The following UBE2D2 variants were observed in gnomAD, a reference collection of about 807,000 sequenced individuals.
UBE2D2 encodes the protein ubiquitin-conjugating enzyme E2 D2.
In UBE2D2, 2 loss-of-function variants were observed where a neutral mutation model predicts 24.2. The observed-to-expected ratio is 0.08, with a 90% CI of 0.03 to 0.26. The LOEUF is 0.26. Among genes scored for constraint, UBE2D2 ranks in the 10% least tolerant of loss-of-function variants. The probability of loss-of-function intolerance (pLI) is 1.00; values close to 1 mark genes in which losing one functional copy is unlikely to be tolerated. For missense variants in UBE2D2, 44 were observed against 177.6 expected (o/e 0.25, Z 4.28); for synonymous variants, 58 against 56.5 (o/e 1.03, Z -0.12).
intron 2 of UBE2D2, among the ~76,000 whole-genome samples, chr5:139,607,567 A>G (rs1330371804): frequency 6.6e-6 from 1 of 152,160 alleles, no homozygotes; most frequent in East Asian, 1.9e-4. Flanking sequence ...TTAGAATGTG[A>G]ATAGGTTTTT....
intron 1 of UBE2D2, among the ~76,000 whole-genome samples, chr5:139,593,367 A>G (rs972912909): frequency 1.3e-5 from 2 of 152,108 alleles, no homozygotes; most frequent in African/African-American, 2.4e-5. Context: ...GTACAGCAGA[A>G]CACTCAAGTC....
chr5:139,615,484 C>CAA (rs1011160901), intron 5 of UBE2D2, among the ~76,000 whole-genome samples: 1 of 131,696 alleles, frequency 7.6e-6, no homozygotes, highest in Non-Finnish European at 1.6e-5. Context: ...GACTCTGTCT[C>CAA]AAAAAAAAAA....
At position 139,543,051 on chromosome 5, in the gene UBE2D2, C is replaced by T. The variant is rs574784696; in HGVS notation, c.-64+16439C>T. On this transcript the variant is annotated intron_variant, in intron 1 of 6. Coordinates refer to the UBE2D2 transcript ENST00000511725. ...AGCTGGGACTACAGGCGCGCGCCAC[C>T]ATGCCTGGCTAATTTTTGTATTTTT... is the stretch of plus-strand genomic sequence containing the variant. Among the ~76,000 whole-genome samples the T allele has an allele frequency of 4.6e-5, 7 of 152,256 alleles. No homozygotes were observed. In the South Asian group the frequency reaches 6.2e-4, roughly 14 times the overall value.
intron 1 of UBE2D2, among the ~76,000 whole-genome samples, chr5:139,570,137 T>G (rs1337813537): frequency 6.6e-6 from 1 of 152,066 alleles, no homozygotes; most frequent in Non-Finnish European, 1.5e-5. Flanking sequence ...CATGGTGATG[T>G]GTGCCTGTAG....
At position 139,552,785 on chromosome 5, in the gene UBE2D2, C is replaced by T. The variant is rs1001499994; in HGVS notation, c.-64+26173C>T. 1.9e-4 allele frequency among the ~76,000 whole-genome samples: 29 copies of T among 150,620 alleles called. 1 individual carries two copies. Among genetic ancestry groups the T allele is most frequent in the South Asian group, 8.4e-4 (4 of 4,778 alleles). ...GCAACCTCCACCTCCCAAGTTCAAGCGATTCTCCTTCCTCAGCCTCCCAAG... is the reference window on the plus strand; with the variant it reads ...GCAACCTCCACCTCCCAAGTTCAAGTGATTCTCCTTCCTCAGCCTCCCAAG... On this transcript the variant is annotated intron_variant, in intron 1 of 6. Transcript: ENST00000511725.
chr5:139,579,150 T>C (rs940760840), intron 1 of UBE2D2, among the ~76,000 whole-genome samples: 3 of 151,922 alleles, frequency 2.0e-5, no homozygotes, highest in African/African-American at 7.3e-5. Flanking sequence ...GTATTTTAAT[T>C]TTTTAAATTT....
intron 1 of UBE2D2, among the ~76,000 whole-genome samples, chr5:139,581,773 A>G (rs953226407): frequency 1.3e-5 from 2 of 151,874 alleles, no homozygotes; most frequent in African/African-American, 2.4e-5. Flanking sequence ...AGTTCAAGCT[A>G]TTCTCCTGCC....
At chr5:139,625,770 A>C (rs967148610) in intron 6 of UBE2D2, among the ~76,000 whole-genome samples, 3 of 151,106 alleles carry the variant, frequency 2.0e-5, no homozygotes, top group African/African-American at 4.9e-5. Context: ...ATGCCTGGCT[A>C]ATTTTTGTGT....
chr5:139,538,814 G>A (rs1042633473), intron 1 of UBE2D2, among the ~76,000 whole-genome samples: 8 of 151,476 alleles, frequency 5.3e-5, no homozygotes, highest in African/African-American at 1.2e-4. Context: ...CGGAGGTTGC[G>A]GTGAGCGATC....
intron 1 of UBE2D2, among the ~76,000 whole-genome samples, chr5:139,580,045 C>CA (rs199662706): frequency 1.7e-3 from 203 of 116,864 alleles, no homozygotes; most frequent in African/African-American, 1.7e-3. Context: ...GACTCCCTCT[C>CA]AAAAAAAAAA....
chr5:139,604,350 C>A (rs1318678191), intron 2 of UBE2D2, among the ~76,000 whole-genome samples: 1 of 151,976 alleles, frequency 6.6e-6, no homozygotes, highest in Non-Finnish European at 1.5e-5. Flanking sequence ...GTTGGCCAGG[C>A]TGGTCTTGAA....
At chr5:139,581,225 G>T (rs1370818786) in intron 1 of UBE2D2, among the ~76,000 whole-genome samples, 1 of 152,092 alleles carries the variant, frequency 6.6e-6, no homozygotes, top group African/African-American at 2.4e-5. Flanking sequence ...GAGGCGGGTG[G>T]ATCATGAGGT....
intron 1 of UBE2D2, among the ~76,000 whole-genome samples, chr5:139,551,293 G>A (rs995358816): frequency 1.3e-5 from 2 of 152,124 alleles, no homozygotes; most frequent in East Asian, 3.9e-4. Flanking sequence ...AGGTTGCAGT[G>A]AGCTAAGATC....
chr5:139,565,035 C>G (rs1753189125), intron 1 of UBE2D2, among the ~76,000 whole-genome samples: 1 of 152,068 alleles, frequency 6.6e-6, no homozygotes, highest in Non-Finnish European at 1.5e-5. Context: ...GCAGTGGAAT[C>G]CCCATTGCTT....
intron 1 of UBE2D2, 145 bp downstream of exon 1, chr5:139,561,960 C>T (rs1488495722): frequency 8.6e-7 from 1 of 1,163,186 alleles, no homozygotes; most frequent in Admixed American, 3.3e-5. Context: ...TACCCCACTC[C>T]CAGTGATGGC....
At chr5:139,548,193 A>AAATAAAT (rs1752862660) in intron 1 of UBE2D2, among the ~76,000 whole-genome samples, 8 of 47,098 alleles carry the variant, frequency 1.7e-4, no homozygotes, top group Non-Finnish European at 2.7e-4. Context: ...ATAAAAAAAA[A>AAATAAAT]AAATAAATAA....
chr5:139,590,429 T>C (rs1175346331), intron 1 of UBE2D2, among the ~76,000 whole-genome samples: 1 of 147,812 alleles, frequency 6.8e-6, no homozygotes, highest in Non-Finnish European at 1.5e-5. Flanking sequence ...AGCAAGACTC[T>C]GTCTCAAAAA....
At chr5:139,549,275 C>G (rs1156877302) in intron 1 of UBE2D2, among the ~76,000 whole-genome samples, 2 of 152,212 alleles carry the variant, frequency 1.3e-5, no homozygotes, top group East Asian at 3.9e-4. Flanking sequence ...CGCCGCTGCA[C>G]TGCGGGAGCC....
chr5:139,538,868 TAA>T (rs113802921), intron 1 of UBE2D2, among the ~76,000 whole-genome samples: 2,541 of 121,988 alleles, frequency 0.021, 25 homozygotes, highest in Middle Eastern at 0.051. Flanking sequence ...AAAATCCATC[TAA>T]AAAAAAAAAA....
Sources: gnomAD v4.1 joint callset for allele counts (sites outside exome capture counted in the v4.1 genomes callset) on GRCh38, gnomAD v4.1.1 for gene constraint, MANE v1.5 for transcripts, NCBI Gene and HGNC (gene_info 2026-07-23, HGNC 2026-07-21) for gene names.